The following MICU1 variants were observed in gnomAD, a reference collection of about 807,000 sequenced individuals.
The protein encoded by MICU1 is calcium uptake protein 1, mitochondrial.
A neutral mutation model predicts 56.8 loss-of-function variants in MICU1; 45 were observed. The ratio of observed to expected loss-of-function variants is 0.79; its 90% CI spans 0.62 to 1.02. MICU1 has a LOEUF of 1.02. MICU1 is among the 50% of genes least tolerant of loss of function. The pLI is 0.00. For missense variants in MICU1, 504 were observed against 587.1 expected, an observed-to-expected ratio of 0.86 and a Z score of 1.46; for synonymous variants, 186 against 195.1, an observed-to-expected ratio of 0.95 and a Z score of 0.39.
At chr10:72,405,575 A>AC (rs367838165) in intron 10 of MICU1, among the ~76,000 whole-genome samples, 9 of 112,418 alleles carry the variant, frequency 8.0e-5, no homozygotes, top group Non-Finnish European at 1.8e-4. Context: ...AAAAGACATT[A>AC]CAAAAAAAAA....
chr10:72,552,311 T>C (rs1278532890), intron 3 of MICU1, among the ~76,000 whole-genome samples: 1 of 152,184 alleles, frequency 6.6e-6, no homozygotes, highest in Admixed American at 6.5e-5. Context: ...CCTTATCTGG[T>C]ATACAAGCCC....
chr10:72,496,069 C>T lies in MICU1; in HGVS notation c.652+12086G>A, dbSNP rs554852261. Among the ~76,000 whole-genome samples the T allele has an allele frequency of 1.6e-3, 242 of 151,958 alleles. 1 individual carries two copies. The highest frequency in any genetic ancestry group is 5.6e-3 in the African/African-American group (233 of 41,426). On this transcript the variant is annotated intron_variant, in intron 6 of 11. Coordinates refer to ENST00000361114, the MANE Select transcript of MICU1 (RefSeq NM_001195518.2). ...GCAACCTCTGTCTCCTGGTCTCAAGCGATCCTCCCACCTCAGCCTCGCAAT... is the reference window on the plus strand; with the variant it reads ...GCAACCTCTGTCTCCTGGTCTCAAGTGATCCTCCCACCTCAGCCTCGCAAT...
At chr10:72,438,610 A>G (rs1864815837) in intron 8 of MICU1, among the ~76,000 whole-genome samples, 1 of 152,218 alleles carries the variant, frequency 6.6e-6, no homozygotes, top group East Asian at 1.9e-4. Context: ...TGAATCCAGG[A>G]GCTGTTTTTT....
intron 4 of MICU1, among the ~76,000 whole-genome samples, chr10:72,548,559 G>A (rs916928499): frequency 2.0e-5 from 3 of 152,224 alleles, no homozygotes; most frequent in African/African-American, 7.2e-5. Flanking sequence ...GGTGAGGAAA[G>A]GAAGTAAGAG....
chr10:72,377,305 A>C (rs1384051557), intron 10 of MICU1, among the ~76,000 whole-genome samples: 3 of 152,004 alleles, frequency 2.0e-5, no homozygotes, highest in African/African-American at 7.3e-5. Context: ...TTTTTAGTAG[A>C]GATGGGGTTT....
intron 10 of MICU1, among the ~76,000 whole-genome samples, chr10:72,400,582 C>T (rs769569749): frequency 1.2e-4 from 18 of 151,878 alleles, no homozygotes; most frequent in Non-Finnish European, 2.4e-4. Flanking sequence ...CCCAACTCTA[C>T]TAAAAATACA....
chr10:72,498,784 A>T (rs535349160), intron 6 of MICU1, among the ~76,000 whole-genome samples: 3 of 152,278 alleles, frequency 2.0e-5, no homozygotes, highest in Non-Finnish European at 4.4e-5. Flanking sequence ...TTACAGGGCG[A>T]CATATGCTAT....
chr10:72,617,882 T>C lies in MICU1; in HGVS notation c.-2+8128A>G, dbSNP rs534048297. On this transcript the variant is annotated intron_variant, in intron 1 of 11. Transcript: ENST00000361114. ...GCTAGAATCTGTTAAAATGTTTGCC[T>C]AGGCTGGCCGCAGTGGCTTACGCCT... Among the ~76,000 whole-genome samples the C allele has an allele frequency of 3.9e-5, 6 of 152,178 alleles. No individual in the cohort carries two copies. The East Asian group carries it at 1.2e-3, about 29-fold the overall frequency.
chr10:72,477,352 C>A lies in MICU1; in HGVS notation c.653-96G>T. On this transcript the variant is annotated intron_variant, in intron 6 of 11. Transcript: ENST00000361114. ...AAGGCTAAACACTAAAATGTAATAT[C>A]AAAGTCACCATAAAAGTGACTGAGT... The A allele has an allele frequency of 2.5e-6, 3 of 1,181,394 alleles. No individual in the cohort carries two copies. In the South Asian group the frequency reaches 4.4e-5, roughly 17 times the overall value. The allele number at this position is 1,181,394 out of a possible 1,614,324, so 73.2% of individuals were successfully genotyped here.
At position 72,482,834 on chromosome 10, in the gene MICU1, T is replaced by C. The variant is rs529902073; in HGVS notation, c.653-5578A>G. Among the ~76,000 whole-genome samples the C allele has an allele frequency of 8.1e-5, 7 of 86,926 alleles. No homozygotes were observed. In the South Asian group the frequency reaches 2.1e-3, roughly 26 times the overall value. The allele number at this position is 86,926 out of a possible 152,430, so 57.0% of individuals were successfully genotyped here. On this transcript the variant is annotated intron_variant, in intron 6 of 11. Coordinates refer to ENST00000361114, the MANE Select transcript of MICU1 (RefSeq NM_001195518.2). ...CCCCCATAAATGCACTATATATATATACATATATATATATATATTTATTTA... is the reference window on the plus strand; with the variant it reads ...CCCCCATAAATGCACTATATATATACACATATATATATATATATTTATTTA...
intron 1 of MICU1, among the ~76,000 whole-genome samples, chr10:72,568,455 T>A (rs1840501070): frequency 6.6e-6 from 1 of 152,140 alleles, no homozygotes; most frequent in Admixed American, 6.6e-5. Flanking sequence ...TTCCATGAAG[T>A]GCTTTTAGGA....
chr10:72,455,321 G>T (rs543102228), intron 8 of MICU1, among the ~76,000 whole-genome samples: 1 of 121,752 alleles, frequency 8.2e-6, no homozygotes, highest in East Asian at 2.4e-4. Context: ...CTGCACTCCA[G>T]CCTGGGAAAC....
chr10:72,484,423 T>C (rs1866399093), intron 6 of MICU1, among the ~76,000 whole-genome samples: 1 of 147,826 alleles, frequency 6.8e-6, no homozygotes, highest in African/African-American at 2.6e-5. Context: ...AAAAAAAAAA[T>C]CCTCAGTCAT....
intron 10 of MICU1, among the ~76,000 whole-genome samples, chr10:72,400,898 CA>C (rs1863431570): frequency 2.0e-5 from 3 of 148,670 alleles, no homozygotes; most frequent in Admixed American, 6.6e-5. Context: ...CACACACACA[CA>C]CACACCCTAT....
intron 4 of MICU1, among the ~76,000 whole-genome samples, chr10:72,536,771 A>G (rs1839648214): frequency 6.6e-6 from 1 of 152,218 alleles, no homozygotes; most frequent in African/African-American, 2.4e-5. Context: ...GAAAATATTA[A>G]TGAGATATTT....
At chr10:72,547,725 G>A (rs1411160827) in intron 4 of MICU1, among the ~76,000 whole-genome samples, 1 of 152,184 alleles carries the variant, frequency 6.6e-6, no homozygotes, top group African/African-American at 2.4e-5. Context: ...CCTTATGGAT[G>A]CAATCAGTAA....
At chr10:72,388,026 T>G (rs1229004214) in intron 10 of MICU1, among the ~76,000 whole-genome samples, 2 of 152,198 alleles carry the variant, frequency 1.3e-5, no homozygotes, top group South Asian at 4.1e-4. Flanking sequence ...ATCTGGAAAC[T>G]GAGGCTTTGA....
intron 4 of MICU1, among the ~76,000 whole-genome samples, chr10:72,535,475 C>T (rs1256186851): frequency 6.6e-6 from 1 of 152,070 alleles, no homozygotes; most frequent in Non-Finnish European, 1.5e-5. Context: ...GTTTAGTATC[C>T]TACAGGACCT....
At chr10:72,554,621 A>G (rs1243706308) in intron 3 of MICU1, among the ~76,000 whole-genome samples, 3 of 152,268 alleles carry the variant, frequency 2.0e-5, no homozygotes, top group Admixed American at 6.5e-5. Context: ...TAAACATTGG[A>G]GTAAAAAACT....
Sources: allele counts gnomAD v4.1 joint callset (sites outside exome capture counted in the v4.1 genomes callset), GRCh38; gene constraint gnomAD v4.1.1; transcripts MANE v1.5; gene names NCBI Gene and HGNC (gene_info 2026-07-23, HGNC 2026-07-21).